EMP2: variants seen among roughly 807,000 people sequenced by gnomAD.
EMP2 encodes the protein epithelial membrane protein 2.
In EMP2, 19 loss-of-function variants were observed where a neutral mutation model predicts 13.7. The ratio of observed to expected loss-of-function variants is 1.38; its 90% confidence interval spans 0.97 to 2.03. The LOEUF (loss-of-function observed/expected upper bound fraction) is 2.03. Ranked by LOEUF, EMP2 falls within the 30% of genes most tolerant of loss-of-function variation. The pLI, the probability that EMP2 is intolerant of heterozygous loss-of-function variation, is 0.00. For synonymous variants in EMP2, 97 were observed against 84.7 expected (o/e 1.15, Z -0.80); for missense variants, 253 against 220.7 (o/e 1.15, Z -0.93).
intron 1 of EMP2, among the ~76,000 whole-genome samples, chr16:10,556,206 C>G (rs1415301488): frequency 6.6e-6 from 1 of 152,148 alleles, no homozygotes; most frequent in Non-Finnish European, 1.5e-5. Flanking sequence ...TTCCTTCCTT[C>G]TTTTCTTCCC....
At chr16:10,560,837 C>A (rs541727197) in intron 1 of EMP2, among the ~76,000 whole-genome samples, 2 of 152,242 alleles carry the variant, frequency 1.3e-5, no homozygotes, top group South Asian at 4.1e-4. Context: ...TAGGAGAGCA[C>A]GTTCCGGGCT....
chr16:10,571,652 G>C (rs4780948), intron 1 of EMP2, among the ~76,000 whole-genome samples: 1 of 152,118 alleles, frequency 6.6e-6, no homozygotes, highest in South Asian at 2.1e-4. Context: ...TTCTGGATAC[G>C]TATGGGAAAC....
At chr16:10,552,663 C>A (rs1050403438) in intron 1 of EMP2, among the ~76,000 whole-genome samples, 6 of 152,120 alleles carry the variant, frequency 3.9e-5, no homozygotes, top group African/African-American at 1.4e-4. Flanking sequence ...GGAAGAAACA[C>A]CACGTATAGC....
chr16:10,540,071 G>C (rs903584820), intron 3 of EMP2, among the ~76,000 whole-genome samples: 8 of 152,228 alleles, frequency 5.3e-5, no homozygotes, highest in Non-Finnish European at 7.3e-5. Context: ...GATGTTCCTA[G>C]AACAGGGTTT....
At chr16:10,569,742 C>G (rs567136269) in intron 1 of EMP2, among the ~76,000 whole-genome samples, 68 of 152,332 alleles carry the variant, frequency 4.5e-4, no homozygotes, top group African/African-American at 1.6e-3. Context: ...CGCCTGTATG[C>G]TACAGGAGTC....
At position 10,532,621 on chromosome 16, in the gene EMP2, G is replaced by T. The variant is rs963598810; in HGVS notation, c.*284C>A. 3 of 203,036 alleles carry T rather than the reference G, an allele frequency of 1.5e-5. No homozygotes were observed. Among genetic ancestry groups the T allele is most frequent in the African/African-American group, 2.3e-5 (1 of 43,624 alleles). The allele number at this position is 203,036 out of a possible 1,614,324, so 12.6% of individuals were successfully genotyped here. On this transcript the variant is annotated 3_prime_UTR_variant, in exon 5 of 5. Transcript: ENST00000359543. ...TCCTGCCGAGTGCTTTTGGATTTGA[G>T]CATTGCTGGATTTTTGCTTGTGTCT...
At chr16:10,557,265 G>A (rs1361546536) in intron 1 of EMP2, among the ~76,000 whole-genome samples, 2 of 151,332 alleles carry the variant, frequency 1.3e-5, no homozygotes, top group East Asian at 3.9e-4. Context: ...GCTGAGGCAT[G>A]AGAATCGCCT....
At chr16:10,564,927 G>T (rs1307521200) in intron 1 of EMP2, among the ~76,000 whole-genome samples, 1 of 152,162 alleles carries the variant, frequency 6.6e-6, no homozygotes, top group Non-Finnish European at 1.5e-5. Context: ...TATCGCAAAT[G>T]AGATGGAAAG....
intron 3 of EMP2, among the ~76,000 whole-genome samples, chr16:10,538,760 G>T (rs900333287): frequency 9.9e-5 from 15 of 152,074 alleles, no homozygotes; most frequent in African/African-American, 3.6e-4. Flanking sequence ...CATAGGGAAG[G>T]CATCCTGCAC....
intron 1 of EMP2, among the ~76,000 whole-genome samples, chr16:10,560,339 C>T (rs191532298): frequency 7.2e-5 from 11 of 152,292 alleles, no homozygotes; most frequent in South Asian, 6.2e-4. Context: ...TTCCCACCGC[C>T]GCACGCAGGG....
intron 1 of EMP2, among the ~76,000 whole-genome samples, chr16:10,575,866 G>C (rs561078157): frequency 6.6e-6 from 1 of 151,966 alleles, no homozygotes; most frequent in Non-Finnish European, 1.5e-5. Context: ...TGCAGGTCTC[G>C]GTCTGAAGCT....
chr16:10,568,090 A>G (rs2050921287), intron 1 of EMP2, among the ~76,000 whole-genome samples: 1 of 152,196 alleles, frequency 6.6e-6, no homozygotes, highest in Non-Finnish European at 1.5e-5. Flanking sequence ...GCCATGATCA[A>G]TTTACAGCAA....
At chr16:10,536,334 C>T (rs753470549) in intron 4 of EMP2, among the ~76,000 whole-genome samples, 2 of 152,108 alleles carry the variant, frequency 1.3e-5, no homozygotes, top group African/African-American at 2.4e-5. Flanking sequence ...TATGGTTTGG[C>T]TGTGTCCCCA....
In EMP2 at chr16:10,538,171, G is replaced by A. The variant is rs187837724; in HGVS notation, c.170-97C>T. The A allele has an allele frequency of 6.8e-6, 10 of 1,469,220 alleles. No individual in the cohort carries two copies. In the African/African-American group the frequency reaches 8.3e-5, roughly 12 times the overall value. The allele number at this position is 1,469,220 out of a possible 1,614,324, so 91.0% of individuals were successfully genotyped here. A position where few individuals can be genotyped will look rare whatever the true frequency, so the allele number is the denominator to read the frequency against. On this transcript the variant is annotated intron_variant, in intron 3 of 4. Transcript: ENST00000359543. ...CAGCAGCTCCAGAGTAGGTGTGACA[G>A]GAGGCAAACAGGAAGGGGTTCAGGC...
chr16:10,540,613 T>C (rs190804733), intron 3 of EMP2, among the ~76,000 whole-genome samples: 209 of 152,286 alleles, frequency 1.4e-3, no homozygotes, highest in African/African-American at 4.9e-3. Context: ...CACTAATATC[T>C]GGGTGTTTGG....
intron 1 of EMP2, among the ~76,000 whole-genome samples, chr16:10,554,282 T>G (rs764199010): frequency 3.9e-5 from 6 of 152,340 alleles, no homozygotes; most frequent in Non-Finnish European, 7.4e-5. Context: ...TCCACCAGCC[T>G]TGGCCTCCCA....
chr16:10,563,830 T>C (rs907555449), intron 1 of EMP2, among the ~76,000 whole-genome samples: 1 of 152,174 alleles, frequency 6.6e-6, no homozygotes, highest in Non-Finnish European at 1.5e-5. Context: ...TGGGAGATAA[T>C]GAAGTGAAAG....
intron 1 of EMP2, among the ~76,000 whole-genome samples, chr16:10,563,597 G>A (rs543148252): frequency 6.6e-6 from 1 of 152,308 alleles, no homozygotes; most frequent in East Asian, 1.9e-4. Context: ...CCAGGCCCAA[G>A]GAGTCTCAAG....
chr16:10,529,307 A>G lies in EMP2; in HGVS notation c.*3598T>C, dbSNP rs1394255767. 6.6e-6 allele frequency: 1 copy of G among 152,220 alleles called. No individual in the cohort carries two copies. The highest frequency in any genetic ancestry group is 2.4e-5 in the African/African-American group (1 of 41,464). The allele number at this position is 152,220 out of a possible 1,614,324, so 9.4% of individuals were successfully genotyped here. A position where few individuals can be genotyped will look rare whatever the true frequency, so the allele number is the denominator to read the frequency against. ...CTTGAATAACTGGTAATAAGCACCA[A>G]GTGAGGGCTGATTCTATCTACAGGT... On this transcript the variant is annotated 3_prime_UTR_variant, in exon 5 of 5. Coordinates refer to ENST00000359543, the MANE Select transcript of EMP2 (RefSeq NM_001424.6).
Sources: allele counts gnomAD v4.1 joint callset (sites outside exome capture counted in the v4.1 genomes callset), GRCh38; gene constraint gnomAD v4.1.1; transcripts MANE v1.5; gene names NCBI Gene and HGNC (gene_info 2026-07-23, HGNC 2026-07-21).